Variants in IFNGR2 observed in about 807,000 individuals in gnomAD.
IFNGR2 encodes the protein IFN-gamma receptor 2.
Under a neutral mutation model 41.1 loss-of-function variants are expected in IFNGR2, and 15 were observed. The observed-to-expected ratio is 0.37, with a 90% CI of 0.24 to 0.56. IFNGR2 has a LOEUF of 0.56. IFNGR2 is among the 20% of genes least tolerant of loss of function. The probability of loss-of-function intolerance (pLI) is 0.81; values close to 1 mark genes in which losing one functional copy is unlikely to be tolerated. For missense variants in IFNGR2, 362 were observed against 415.7 expected (o/e 0.87, Z 1.12); for synonymous variants, 161 against 171.6 (o/e 0.94, Z 0.48).
At chr21:33,403,241 T>A (rs1174673308), upstream of IFNGR2, 1 of 154,898 alleles carries the variant, frequency 6.5e-6, no homozygotes, top group Non-Finnish European at 1.4e-5. Context: ...GGCTCCGCGC[T>A]CTGGGAGGCC....
intron 3 of IFNGR2, among the ~76,000 whole-genome samples, chr21:33,423,828 A>AT (rs35451913): frequency 0.89 from 126,773 of 143,024 alleles, 56,268 homozygotes; most frequent in East Asian, 0.97. Context: ...CCCCATCTCT[A>AT]TTTTTTTTTT....
At chr21:33,434,364 A>C (rs1284041659) in intron 6 of IFNGR2, among the ~76,000 whole-genome samples, 1 of 152,118 alleles carries the variant, frequency 6.6e-6, no homozygotes, top group Admixed American at 6.5e-5. Flanking sequence ...TCTACCAAAA[A>C]TACAAAAATT....
chr21:33,436,712 T>TC, intron 6 of IFNGR2, 116 bp from the exon 7 acceptor site: 1 of 794,766 alleles, frequency 1.3e-6, no homozygotes, highest in Non-Finnish European at 2.0e-6. Context: ...AGAGTAAGAC[T>TC]CCATCTCAAA....
At chr21:33,427,453 G>A (rs961819206) in intron 4 of IFNGR2, among the ~76,000 whole-genome samples, 3 of 152,240 alleles carry the variant, frequency 2.0e-5, no homozygotes, top group East Asian at 3.9e-4. Flanking sequence ...ATGCGAAATC[G>A]GGGGGAAACA....
intron 1 of IFNGR2, among the ~76,000 whole-genome samples, chr21:33,414,010 T>C (rs955351044): frequency 1.3e-5 from 2 of 151,956 alleles, no homozygotes; most frequent in Non-Finnish European, 2.9e-5. Flanking sequence ...CTTTTATATT[T>C]TTAGTAGAGA....
chr21:33,403,503 GC>G lies in IFNGR2; in HGVS notation c.-37del, dbSNP rs1218073544. On this transcript the variant is annotated 5_prime_UTR_variant, in exon 1 of 7. Transcript: ENST00000290219. ...AGCGGCTCCGCGGACCCCGAGCGGG[GC>G]CCCGGCCGCGACCTGAGCCGCCGCC... 11 of 1,163,786 alleles carry G rather than the reference GC, an allele frequency of 9.5e-6. No individual in the cohort carries two copies. The South Asian group carries it at 1.0e-4, about 11-fold the overall frequency. 72.1% of individuals were successfully genotyped at this position (1,163,786 alleles called of 1,614,324 possible).
intron 1 of IFNGR2, chr21:33,410,900 A>G (rs2083710821): frequency 6.5e-7 from 1 of 1,533,102 alleles, no homozygotes; most frequent in Non-Finnish European, 8.8e-7. Flanking sequence ...ATGGTAAGAC[A>G]AGAGTATCTG....
At chr21:33,410,590 C>T (rs2083708821) in intron 1 of IFNGR2, among the ~76,000 whole-genome samples, 1 of 151,440 alleles carries the variant, frequency 6.6e-6, no homozygotes, top group Non-Finnish European at 1.5e-5. Flanking sequence ...GCTTCAGCCT[C>T]CCAAGTAGCT....
chr21:33,409,683 G>T (rs2083702917), intron 1 of IFNGR2, among the ~76,000 whole-genome samples: 1 of 152,102 alleles, frequency 6.6e-6, no homozygotes. Context: ...CACTCAGATG[G>T]TTACAGAAGT....
intron 1 of IFNGR2, 106 bp from the exon 2 acceptor site, chr21:33,414,782 A>C: frequency 7.4e-7 from 1 of 1,344,452 alleles, no homozygotes; most frequent in Non-Finnish European, 1.0e-6. Flanking sequence ...TTTGACAAAA[A>C]CTGAGTTGTA....
At chr21:33,426,344 C>A (rs764764985) in intron 3 of IFNGR2, among the ~76,000 whole-genome samples, 2 of 151,960 alleles carry the variant, frequency 1.3e-5, no homozygotes, top group Non-Finnish European at 2.9e-5. Context: ...ACCTGGAAGG[C>A]GGAGGTTGCA....
intron 6 of IFNGR2, 84 bp downstream of exon 6, chr21:33,432,955 T>G: frequency 8.8e-7 from 1 of 1,139,140 alleles, no homozygotes; most frequent in Non-Finnish European, 1.3e-6. Flanking sequence ...GTACAATCTC[T>G]GCTCACTGCA....
rs2083964616 is a variant in IFNGR2 at position 33,437,187 on chromosome 21, T to C, written c.*225T>C. 1.9e-6 allele frequency: 1 copy of C among 530,008 alleles called. No homozygotes were observed. The highest frequency in any genetic ancestry group is 3.4e-6 in the Non-Finnish European group (1 of 296,936). The allele number at this position is 530,008 out of a possible 1,614,324, so 32.8% of individuals were successfully genotyped here. A position where few individuals can be genotyped will look rare whatever the true frequency, so the allele number is the denominator to read the frequency against. ...ATTCCAGAATGATTTTACGGAGATA[T>C]CCCAGGAAAATTAAGGCTTCTCTTA... On this transcript the variant is annotated 3_prime_UTR_variant, in exon 7 of 7. Transcript: ENST00000290219.
At chr21:33,429,936 C>T (rs1462198006) in intron 4 of IFNGR2, among the ~76,000 whole-genome samples, 4 of 152,188 alleles carry the variant, frequency 2.6e-5, no homozygotes, top group Admixed American at 2.0e-4. Context: ...GTCAGGGGTT[C>T]GAGACAGGCC....
intron 2 of IFNGR2, among the ~76,000 whole-genome samples, chr21:33,419,538 C>T (rs927991770): frequency 6.6e-6 from 1 of 151,662 alleles, no homozygotes; most frequent in African/African-American, 2.4e-5. Flanking sequence ...TTTATTTTAA[C>T]TTGATGTAGT....
At chr21:33,424,583 G>A (rs902092612) in intron 3 of IFNGR2, among the ~76,000 whole-genome samples, 1 of 152,098 alleles carries the variant, frequency 6.6e-6, no homozygotes, top group Non-Finnish European at 1.5e-5. Context: ...CCAAGCAGAG[G>A]AGTGAGATGG....
intron 3 of IFNGR2, among the ~76,000 whole-genome samples, chr21:33,425,327 T>G (rs974784622): frequency 6.6e-6 from 1 of 152,136 alleles, no homozygotes; most frequent in Admixed American, 6.5e-5. Context: ...GAGCCAGCCT[T>G]CCTCCAGTGC....
intron 1 of IFNGR2, among the ~76,000 whole-genome samples, chr21:33,414,088 C>T (rs2083735966): frequency 1.3e-5 from 2 of 152,132 alleles, no homozygotes; most frequent in Non-Finnish European, 2.9e-5. Flanking sequence ...CTTCCTTGGC[C>T]TCCCACAGTG....
At chr21:33,419,652 C>T (rs1295441858) in intron 2 of IFNGR2, among the ~76,000 whole-genome samples, 6 of 152,274 alleles carry the variant, frequency 3.9e-5, no homozygotes, top group South Asian at 2.1e-4. Context: ...CAGTCATGGG[C>T]GTAGACAGTT....
Sources: allele counts gnomAD v4.1 joint callset (sites outside exome capture counted in the v4.1 genomes callset), GRCh38; gene constraint gnomAD v4.1.1; transcripts MANE v1.5; gene names NCBI Gene and HGNC (gene_info 2026-07-23, HGNC 2026-07-21).